SBF2: variants seen among roughly 807,000 people sequenced by gnomAD.
The protein encoded by SBF2 is SET binding factor 2.
SBF2 carries 112 observed loss-of-function variants against 225.2 expected under a neutral mutation model. The ratio of observed to expected loss-of-function variants is 0.50; its 90% CI spans 0.43 to 0.58. The LOEUF (loss-of-function observed/expected upper bound fraction) is 0.58, where lower values mean the gene tolerates loss of function less well. Ranked by LOEUF, SBF2 falls within the 20% of genes least tolerant of loss-of-function variation. The pLI, the probability that SBF2 is intolerant of heterozygous loss-of-function variation, is 0.00. For synonymous variants in SBF2, 763 were observed against 773.3 expected (o/e 0.99, Z 0.22); for missense variants, 1,996 against 2,206.2 (o/e 0.90, Z 1.91).
intron 13 of SBF2, among the ~76,000 whole-genome samples, chr11:9,986,556 A>G (rs1947204823): frequency 6.6e-6 from 1 of 151,554 alleles, no homozygotes; most frequent in Non-Finnish European, 1.5e-5. Flanking sequence ...CAAGAAAAGA[A>G]GACAGAAAAT....
intron 2 of SBF2, among the ~76,000 whole-genome samples, chr11:10,145,977 G>A (rs1210162111): frequency 6.6e-6 from 1 of 151,964 alleles, no homozygotes; most frequent in Non-Finnish European, 1.5e-5. Flanking sequence ...ATTCACAATT[G>A]CCAAAAAAAG....
intron 1 of SBF2, among the ~76,000 whole-genome samples, chr11:10,291,300 C>A (rs1964143037): frequency 6.6e-6 from 1 of 152,066 alleles, no homozygotes; most frequent in African/African-American, 2.4e-5. Flanking sequence ...CCAGAGAGCT[C>A]ATTTGACCCT....
chr11:9,880,148 T>C (rs1859638579), intron 17 of SBF2, among the ~76,000 whole-genome samples: 1 of 149,892 alleles, frequency 6.7e-6, no homozygotes, highest in South Asian at 2.1e-4. Flanking sequence ...TCCAGATCTT[T>C]CTGTGGCCCC....
chr11:9,782,582 C>T (rs1852084372), intron 38 of SBF2, among the ~76,000 whole-genome samples: 1 of 152,128 alleles, frequency 6.6e-6, no homozygotes, highest in Non-Finnish European at 1.5e-5. Context: ...ATTGAAACAT[C>T]TTTCCAGGCC....
chr11:10,179,876 G>T (rs141912100), intron 2 of SBF2, among the ~76,000 whole-genome samples: 94 of 151,834 alleles, frequency 6.2e-4, no homozygotes, highest in African/African-American at 2.2e-3. Flanking sequence ...TGTATTTGTT[G>T]TATGTTTTTC....
intron 2 of SBF2, among the ~76,000 whole-genome samples, chr11:10,149,853 C>T (rs11042645): frequency 0.034 from 5,160 of 152,222 alleles, 293 homozygotes; most frequent in East Asian, 0.17. Flanking sequence ...GACTCAATGA[C>T]ATTTTGTCTA....
intron 17 of SBF2, among the ~76,000 whole-genome samples, chr11:9,877,156 T>C (rs1283904369): frequency 6.6e-6 from 1 of 152,178 alleles, no homozygotes; most frequent in Non-Finnish European, 1.5e-5. Flanking sequence ...TTAGGCTTGA[T>C]ACAAGATAAA....
chr11:9,802,181 A>C (rs189330371), intron 32 of SBF2, among the ~76,000 whole-genome samples: 33 of 152,352 alleles, frequency 2.2e-4, no homozygotes, highest in Admixed American at 1.8e-3. Context: ...GTTTACATAA[A>C]AATTTAATCT....
chr11:10,138,035 AT>A (rs548503777), intron 2 of SBF2, among the ~76,000 whole-genome samples: 15 of 151,168 alleles, frequency 9.9e-5, no homozygotes, highest in African/African-American at 3.6e-4. Flanking sequence ...ATAAATTTCT[AT>A]TTTTTTGGAA....
intron 16 of SBF2, chr11:9,959,550 G>T: frequency 1.3e-6 from 1 of 779,290 alleles, no homozygotes; most frequent in Non-Finnish European, 2.4e-6. Flanking sequence ...TGTGGAAGGG[G>T]TCCCAAAACA....
At chr11:10,290,161 T>C (rs1167786056) in intron 1 of SBF2, among the ~76,000 whole-genome samples, 1 of 152,188 alleles carries the variant, frequency 6.6e-6, no homozygotes, top group Non-Finnish European at 1.5e-5. Context: ...CTCCTTCCCT[T>C]TTCCTGCTGT....
At position 10,173,466 on chromosome 11, in the gene SBF2, G is replaced by A. The variant is rs1031876593; in HGVS notation, c.141+20436C>T. 5.9e-5 allele frequency among the ~76,000 whole-genome samples: 9 copies of A among 152,332 alleles called. No homozygotes were observed. The South Asian group carries it at 1.0e-3, about 18-fold the overall frequency. ...CGCTTTTCCGACAGGCTTAAAAAAC[G>A]CCGCACCAGGAGATTATATCCCCCA... On this transcript the variant is annotated intron_variant, in intron 2 of 39. Coordinates refer to ENST00000256190, the MANE Select transcript of SBF2 (RefSeq NM_030962.4).
intron 2 of SBF2, among the ~76,000 whole-genome samples, chr11:10,096,349 CAAAAT>C (rs912635946): frequency 1.7e-4 from 21 of 126,242 alleles, no homozygotes; most frequent in African/African-American, 6.2e-4. Flanking sequence ...TAGTATATAA[CAAAAT>C]AAAATATTTT....
Position 10,254,718 on chromosome 11 carries a change from C to A in SBF2, c.55+39297G>T, listed in dbSNP as rs937152815. Among the ~76,000 whole-genome samples the A allele has an allele frequency of 4.0e-5, 6 of 150,644 alleles. No homozygotes were observed. In the East Asian group the frequency reaches 1.2e-3, roughly 30 times the overall value. On this transcript the variant is annotated intron_variant, in intron 1 of 39. Coordinates refer to ENST00000256190, the MANE Select transcript of SBF2 (RefSeq NM_030962.4). ...GTCAGGAGTTCAAGACCAGCCTAAC[C>A]AGCATGATGAAATCCCTATTAAATA...
At chr11:10,210,280 C>A (rs1242574739) in intron 1 of SBF2, among the ~76,000 whole-genome samples, 2 of 151,590 alleles carry the variant, frequency 1.3e-5, no homozygotes, top group African/African-American at 2.4e-5. Flanking sequence ...TGCACTCCAG[C>A]CTGGGAAACA....
At chr11:9,995,158 T>C (rs189786184) in intron 9 of SBF2, among the ~76,000 whole-genome samples, 34 of 152,032 alleles carry the variant, frequency 2.2e-4, no homozygotes, top group Admixed American at 4.6e-4. Flanking sequence ...TAAAGTGCAA[T>C]ACATGAAATG....
chr11:9,840,444 A>C (rs536351441), intron 25 of SBF2, among the ~76,000 whole-genome samples: 1 of 152,344 alleles, frequency 6.6e-6, no homozygotes, highest in African/African-American at 2.4e-5. Flanking sequence ...ATTCAACTAA[A>C]AAATGTCAGG....
intron 1 of SBF2, among the ~76,000 whole-genome samples, chr11:10,292,678 CAAAAAAAAA>C (rs5789633): frequency 9.8e-4 from 84 of 85,792 alleles, no homozygotes; most frequent in African/African-American, 3.5e-3. Flanking sequence ...AACTCCGTCT[CAAAAAAAAA>C]AAAAAAAAAA....
intron 13 of SBF2, among the ~76,000 whole-genome samples, chr11:9,981,700 G>T (rs1315205766): frequency 9.8e-6 from 1 of 102,052 alleles, no homozygotes; most frequent in African/African-American, 3.3e-5. Flanking sequence ...AATTTAGATC[G>T]GTTGAGTTGT....
Sources: gnomAD v4.1 joint callset for allele counts (sites outside exome capture counted in the v4.1 genomes callset) on GRCh38, gnomAD v4.1.1 for gene constraint, MANE v1.5 for transcripts, NCBI Gene and HGNC (gene_info 2026-07-23, HGNC 2026-07-21) for gene names.